CDH12: variants seen among roughly 807,000 people sequenced by gnomAD.
CDH12 encodes cadherin-12.
A neutral mutation model predicts 74.1 loss-of-function variants in CDH12; 41 were observed. That is an observed-to-expected ratio of 0.55 (90% confidence interval 0.43 to 0.72). The LOEUF is 0.72. Ranked by LOEUF, CDH12 falls within the 30% of genes least tolerant of loss-of-function variation. The pLI is 0.00. For synonymous variants in CDH12, 399 were observed against 355.0 expected (o/e 1.12, Z -1.39); for missense variants, 945 against 977.2 (o/e 0.97, Z 0.44).
At chr5:21,987,907 T>G (rs1483664792) in intron 5 of CDH12, among the ~76,000 whole-genome samples, 1 of 151,730 alleles carries the variant, frequency 6.6e-6, no homozygotes, top group Non-Finnish European at 1.5e-5. Flanking sequence ...GTTGATCTTG[T>G]AATCATCAGA....
chr5:22,089,553 C>T (rs543196021), intron 4 of CDH12, among the ~76,000 whole-genome samples: 1 of 152,124 alleles, frequency 6.6e-6, no homozygotes, highest in East Asian at 1.9e-4. Flanking sequence ...TTTTTAAATG[C>T]CACATGGCAA....
chr5:22,139,149 C>T (rs1199401909), intron 4 of CDH12: 5 of 146,344 alleles, frequency 3.4e-5, no homozygotes, highest in Non-Finnish European at 7.5e-5. Flanking sequence ...TAAATCAATC[C>T]CTATGATTTA....
At chr5:22,189,443 T>A (rs1394327334) in intron 4 of CDH12, among the ~76,000 whole-genome samples, 1 of 152,128 alleles carries the variant, frequency 6.6e-6, no homozygotes, top group African/African-American at 2.4e-5. Context: ...AAATCAATAA[T>A]AGCATATAAA....
intron 3 of CDH12, among the ~76,000 whole-genome samples, chr5:22,386,533 A>G (rs1203290323): frequency 6.6e-6 from 1 of 152,162 alleles, no homozygotes; most frequent in East Asian, 1.9e-4. Context: ...AATTCCATCT[A>G]GAACAATTTT....
intron 8 of CDH12, among the ~76,000 whole-genome samples, chr5:21,817,908 T>C (rs1748153059): frequency 6.6e-6 from 1 of 151,916 alleles, no homozygotes; most frequent in Non-Finnish European, 1.5e-5. Context: ...AAAACTTAGA[T>C]AAAACATTTC....
chr5:21,983,056 A>T (rs1757378641), intron 5 of CDH12, among the ~76,000 whole-genome samples: 1 of 152,030 alleles, frequency 6.6e-6, no homozygotes, highest in Non-Finnish European at 1.5e-5. Context: ...AATTTACTTT[A>T]TTAATCTCCT....
At chr5:21,837,085 T>C (rs1326741306) in intron 8 of CDH12, among the ~76,000 whole-genome samples, 1 of 151,970 alleles carries the variant, frequency 6.6e-6, no homozygotes, top group African/African-American at 2.4e-5. Flanking sequence ...CTTAATAATA[T>C]AGCCTTGCTC....
At chr5:22,684,712 C>T (rs563951796) in intron 1 of CDH12, among the ~76,000 whole-genome samples, 17 of 152,256 alleles carry the variant, frequency 1.1e-4, no homozygotes, top group African/African-American at 4.1e-4. Flanking sequence ...GCAAATTATA[C>T]CCAGCTTCCT....
At chr5:21,994,424 A>C (rs1001748101) in intron 5 of CDH12, among the ~76,000 whole-genome samples, 1 of 152,170 alleles carries the variant, frequency 6.6e-6, no homozygotes, top group Non-Finnish European at 1.5e-5. Context: ...TTGTTACTCT[A>C]AAGAACAACA....
chr5:22,454,742 T>C (rs765542753), intron 2 of CDH12, among the ~76,000 whole-genome samples: 8 of 152,186 alleles, frequency 5.3e-5, no homozygotes, highest in Non-Finnish European at 7.3e-5. Context: ...CCCAAAGTGA[T>C]TGGATTACAG....
At chr5:22,568,384 G>A (rs1356852619) in intron 1 of CDH12, among the ~76,000 whole-genome samples, 1 of 152,168 alleles carries the variant, frequency 6.6e-6, no homozygotes, top group Non-Finnish European at 1.5e-5. Flanking sequence ...AGGATAGAAT[G>A]AGATATTAAT....
chr5:21,926,420 T>C (rs546522476), intron 6 of CDH12, among the ~76,000 whole-genome samples: 32 of 152,334 alleles, frequency 2.1e-4, no homozygotes, highest in African/African-American at 7.2e-4. Context: ...AATATCTTAA[T>C]TTAGTTCCTG....
chr5:22,754,888 ACTGT>A (rs954843728), intron 1 of CDH12, among the ~76,000 whole-genome samples: 61 of 152,328 alleles, frequency 4.0e-4, no homozygotes, highest in African/African-American at 1.4e-3. Context: ...TCTTATTGAG[ACTGT>A]CTATTAGATG....
Position 22,676,432 on chromosome 5 carries a change from G to A in CDH12, c.-522-171068C>T, listed in dbSNP as rs139684220. Among the ~76,000 whole-genome samples the A allele has an allele frequency of 4.0e-3, 605 of 152,192 alleles. 1 individual carries two copies. Among genetic ancestry groups the A allele is most frequent in the Non-Finnish European group, 6.9e-3 (468 of 68,002 alleles). ...TTGCCTTTTATGTGCTCCACCAGCC[G>A]TAGGCCATGGGCCATATCAGTTTGC... On this transcript the variant is annotated intron_variant, in intron 1 of 14. Transcript: ENST00000382254.
chr5:21,922,914 A>T (rs911449256), intron 6 of CDH12, among the ~76,000 whole-genome samples: 2 of 149,358 alleles, frequency 1.3e-5, no homozygotes, highest in Non-Finnish European at 3.0e-5. Context: ...AAATACAAGA[A>T]TAAAAAGAAA....
intron 3 of CDH12, among the ~76,000 whole-genome samples, chr5:22,281,711 A>G (rs1403222681): frequency 2.0e-5 from 3 of 152,188 alleles, no homozygotes; most frequent in Admixed American, 6.5e-5. Flanking sequence ...CCACTGCTCA[A>G]GGAAATCAGA....
At chr5:22,840,324 G>C (rs1031344413) in intron 1 of CDH12, among the ~76,000 whole-genome samples, 1 of 151,900 alleles carries the variant, frequency 6.6e-6, no homozygotes, top group African/African-American at 2.4e-5. Context: ...GGGTTTCACT[G>C]TGTTGGCCAG....
intron 6 of CDH12, among the ~76,000 whole-genome samples, chr5:21,942,334 G>GTATAGATATATATATA (rs1755367554): frequency 9.3e-6 from 1 of 107,162 alleles, no homozygotes; most frequent in African/African-American, 4.6e-5. Flanking sequence ...GACAAATACA[G>GTATAGATATATATATA]TATATATATA....
intron 5 of CDH12, among the ~76,000 whole-genome samples, chr5:22,059,815 T>A (rs1741060708): frequency 6.6e-6 from 1 of 152,152 alleles, no homozygotes; most frequent in Admixed American, 6.6e-5. Flanking sequence ...TGTAAATTAC[T>A]CTTGATGATA....
Sources: allele counts gnomAD v4.1 joint callset (sites outside exome capture counted in the v4.1 genomes callset), GRCh38; gene constraint gnomAD v4.1.1; transcripts MANE v1.5; gene names NCBI Gene and HGNC (gene_info 2026-07-23, HGNC 2026-07-21).